The following ATRNL1 variants were observed in gnomAD, a reference collection of about 807,000 sequenced individuals.
ATRNL1 encodes attractin like 1, also known as attractin-like protein 1.
ATRNL1 carries 95 observed loss-of-function variants against 182.7 expected under a neutral mutation model. The observed-to-expected ratio is 0.52, with a 90% CI of 0.44 to 0.62. ATRNL1 has a LOEUF of 0.62. Ranked by LOEUF, ATRNL1 falls within the 20% of genes least tolerant of loss-of-function variation. The pLI is 0.00. For synonymous variants in ATRNL1, 576 were observed against 568.3 expected (o/e 1.01, Z -0.19); for missense variants, 1,471 against 1,679.5 (o/e 0.88, Z 2.17).
intron 28 of ATRNL1, among the ~76,000 whole-genome samples, chr10:115,910,500 T>C (rs2134520797): frequency 6.6e-6 from 1 of 152,076 alleles, no homozygotes. Context: ...CCTTACATGC[T>C]CATCAGGCAG....
At chr10:115,910,122 T>C (rs1318854037) in intron 28 of ATRNL1, among the ~76,000 whole-genome samples, 1 of 152,036 alleles carries the variant, frequency 6.6e-6, no homozygotes, top group Non-Finnish European at 1.5e-5. Context: ...AGAAAGCAAC[T>C]GAAACCAACC....
chr10:115,609,560 C>T (rs565360996), intron 26 of ATRNL1, among the ~76,000 whole-genome samples: 1 of 152,212 alleles, frequency 6.6e-6, no homozygotes, highest in South Asian at 2.1e-4. Flanking sequence ...TAAGAACTCA[C>T]ATTTTATTTT....
intron 1 of ATRNL1, among the ~76,000 whole-genome samples, chr10:115,107,493 G>A (rs1554866326): frequency 6.6e-6 from 1 of 152,078 alleles, no homozygotes; most frequent in African/African-American, 2.4e-5. Context: ...CAGCCCTTAG[G>A]CTTTGCTGGG....
chr10:115,781,877 C>T (rs1246460506), intron 27 of ATRNL1, among the ~76,000 whole-genome samples: 1 of 152,110 alleles, frequency 6.6e-6, no homozygotes, highest in Non-Finnish European at 1.5e-5. Context: ...GGGCTGAAAT[C>T]GGCCAGATTG....
chr10:115,345,291 C>T (rs1163198745), intron 19 of ATRNL1, among the ~76,000 whole-genome samples: 7 of 152,148 alleles, frequency 4.6e-5, no homozygotes, highest in African/African-American at 1.4e-4. Flanking sequence ...CTAGGATTGG[C>T]GATTTTCCTT....
At chr10:115,895,632 C>A (rs1555112329) in intron 28 of ATRNL1, among the ~76,000 whole-genome samples, 1 of 152,208 alleles carries the variant, frequency 6.6e-6, no homozygotes, top group African/African-American at 2.4e-5. Context: ...ATACCGGACA[C>A]TGCTGAATTC....
chr10:115,135,361 A>C (rs1554876367), intron 5 of ATRNL1, among the ~76,000 whole-genome samples: 1 of 152,236 alleles, frequency 6.6e-6, no homozygotes, highest in African/African-American at 2.4e-5. Context: ...AATCATGTGC[A>C]AAAATCACAA....
rs546300059 is a variant in ATRNL1 at position 115,380,057 on chromosome 10, G to C, written c.3176-14602G>C. Among the ~76,000 whole-genome samples, 91 of 152,092 alleles carry C rather than the reference G, an allele frequency of 6.0e-4. 2 individuals are homozygous for C. The South Asian group carries it at 0.018, about 29-fold the overall frequency. The stretch of plus-strand genomic sequence containing the variant: ...CTGGTAGCCAGGATGGTCTCGATCT[G>C]CTGACTTTGTGATCCGCCCGCCTCA... On this transcript the variant is annotated intron_variant, in intron 19 of 28. Coordinates refer to ENST00000355044, the MANE Select transcript of ATRNL1 (RefSeq NM_207303.4).
In ATRNL1 at chr10:115,894,121, C is replaced by T. The variant is rs562918020; in HGVS notation, c.4018+46130C>T. Among the ~76,000 whole-genome samples the T allele has an allele frequency of 3.3e-5, 5 of 152,258 alleles. No individual in the cohort carries two copies. In the South Asian group the frequency reaches 1.0e-3, roughly 32 times the overall value. On this transcript the variant is annotated intron_variant, in intron 28 of 28. Transcript: ENST00000355044. ...AGCCAGGTGTCTTCAACATAACTGA[C>T]ATGGAATCAGTGATGCTAATTAGCA...
intron 26 of ATRNL1, among the ~76,000 whole-genome samples, chr10:115,689,867 C>T (rs928203120): frequency 1.3e-5 from 2 of 152,158 alleles, no homozygotes; most frequent in Non-Finnish European, 2.9e-5. Flanking sequence ...TCAGTGGGGG[C>T]ACAGTTGTCA....
At chr10:115,094,121 T>A (rs2084949558) in intron 1 of ATRNL1, 78 bp downstream of exon 1, 13 of 1,251,638 alleles carry the variant, frequency 1.0e-5, no homozygotes, top group Non-Finnish European at 1.2e-5. Flanking sequence ...CCTCGCGGCC[T>A]CCCCCGCCCC....
chr10:115,800,904 C>T (rs2134234750), intron 27 of ATRNL1, among the ~76,000 whole-genome samples: 1 of 152,302 alleles, frequency 6.6e-6, no homozygotes, highest in East Asian at 1.9e-4. Flanking sequence ...TAAGCCACCC[C>T]AGTCTATGAC....
chr10:115,302,057 T>C lies in ATRNL1; in HGVS notation c.2818+14T>C. Reference sequence around the variant, plus strand: ...CCACCTGCTCCCGTAAGTATTTATCTAGAGTGACTTTTCACTTGACAGCAA... The same window carrying C: ...CCACCTGCTCCCGTAAGTATTTATCCAGAGTGACTTTTCACTTGACAGCAA... On this transcript the variant is annotated intron_variant, in intron 17 of 28. Coordinates refer to ENST00000355044, the MANE Select transcript of ATRNL1 (RefSeq NM_207303.4). The C allele has an allele frequency of 1.9e-6, 3 of 1,583,648 alleles. No homozygotes were observed. In the South Asian group the frequency reaches 3.4e-5, roughly 18 times the overall value.
chr10:115,294,190 A>C (rs1236267228), intron 15 of ATRNL1, among the ~76,000 whole-genome samples: 1 of 152,172 alleles, frequency 6.6e-6, no homozygotes, highest in East Asian at 1.9e-4. Context: ...TTTTAAGTCC[A>C]GTGATTCTTC....
chr10:115,238,800 G>A (rs188736181), intron 9 of ATRNL1, among the ~76,000 whole-genome samples: 4 of 152,274 alleles, frequency 2.6e-5, no homozygotes, highest in African/African-American at 9.6e-5. Context: ...GAAATGGTGA[G>A]ATGAAACATC....
chr10:115,576,288 T>A (rs1555005159), intron 26 of ATRNL1, among the ~76,000 whole-genome samples: 3 of 152,038 alleles, frequency 2.0e-5, no homozygotes, highest in Admixed American at 2.0e-4. Flanking sequence ...AGGATAATTC[T>A]TTTTTTCATT....
intron 26 of ATRNL1, among the ~76,000 whole-genome samples, chr10:115,558,351 C>A (rs1290935673): frequency 6.6e-6 from 1 of 152,066 alleles, no homozygotes; most frequent in Non-Finnish European, 1.5e-5. Flanking sequence ...TTTAAGTACC[C>A]AATTTGAGGT....
intron 26 of ATRNL1, among the ~76,000 whole-genome samples, chr10:115,618,343 G>A (rs933665169): frequency 4.6e-5 from 7 of 152,000 alleles, no homozygotes; most frequent in African/African-American, 1.4e-4. Context: ...CATCTTGTAT[G>A]TGGATGTCTT....
chr10:115,738,195 C>G (rs1307112857), intron 27 of ATRNL1, among the ~76,000 whole-genome samples: 1 of 124,608 alleles, frequency 8.0e-6, no homozygotes, highest in Admixed American at 1.1e-4. Context: ...CTGGAGTGCA[C>G]TGGCACGATC....
Sources: gnomAD v4.1 joint callset for allele counts (sites outside exome capture counted in the v4.1 genomes callset) on GRCh38, gnomAD v4.1.1 for gene constraint, MANE v1.5 for transcripts, NCBI Gene and HGNC (gene_info 2026-07-23, HGNC 2026-07-21) for gene names.